Variants in SPATS2L observed in about 807,000 individuals in gnomAD.
SPATS2L encodes the protein SPATS2-like protein.
A neutral mutation model predicts 59.6 loss-of-function variants in SPATS2L; 30 were observed. The observed-to-expected ratio is 0.50, with a 90% CI of 0.38 to 0.68. The LOEUF (loss-of-function observed/expected upper bound fraction) is 0.68. SPATS2L is among the 30% of genes least tolerant of loss of function. The probability of loss-of-function intolerance (pLI) is 0.00; values close to 1 mark genes in which losing one functional copy is unlikely to be tolerated. For synonymous variants in SPATS2L, 252 were observed against 263.5 expected, an observed-to-expected ratio of 0.96 and a Z score of 0.42; for missense variants, 615 against 700.0, an observed-to-expected ratio of 0.88 and a Z score of 1.37.
intron 3 of SPATS2L, among the ~76,000 whole-genome samples, chr2:200,409,929 T>C (rs1057329637): frequency 6.6e-6 from 1 of 152,114 alleles, no homozygotes; most frequent in Non-Finnish European, 1.5e-5. Context: ...CAAGTAGTGG[T>C]TTATTTTGTG....
chr2:200,428,291 TG>T (rs2083704566), intron 6 of SPATS2L, among the ~76,000 whole-genome samples: 1 of 152,218 alleles, frequency 6.6e-6, no homozygotes, highest in African/African-American at 2.4e-5. Context: ...ATCTAGCCAT[TG>T]TTTTTTAATC....
At chr2:200,332,217 A>G (rs1451643077) in intron 2 of SPATS2L, among the ~76,000 whole-genome samples, 1 of 151,980 alleles carries the variant, frequency 6.6e-6, no homozygotes, top group Non-Finnish European at 1.5e-5. Flanking sequence ...TGGAAGAATC[A>G]GCTTTAGTAA....
chr2:200,441,753 A>C (rs2106111549), intron 8 of SPATS2L, among the ~76,000 whole-genome samples: 1 of 152,288 alleles, frequency 6.6e-6, no homozygotes, highest in South Asian at 2.1e-4. Context: ...AAATAGCAAA[A>C]GTCCAAAGGC....
chr2:200,379,111 T>C (rs528326721), intron 2 of SPATS2L, among the ~76,000 whole-genome samples: 1 of 152,258 alleles, frequency 6.6e-6, no homozygotes, highest in African/African-American at 2.4e-5. Flanking sequence ...CTTCCCCACT[T>C]CCTTGCCTGG....
chr2:200,389,089 A>G, intron 2 of SPATS2L, 134 bp from the exon 3 acceptor site: 1 of 612,034 alleles, frequency 1.6e-6, no homozygotes, highest in Non-Finnish European at 2.8e-6. Context: ...GCTTAGCTTG[A>G]AAGTATTTTT....
In SPATS2L at chr2:200,473,049, G is replaced by A. The variant is rs1156972514; in HGVS notation, c.1278G>A (p.Lys426=). 1.2e-6 allele frequency: 2 copies of A among 1,609,182 alleles called. No individual in the cohort carries two copies. The highest frequency in any genetic ancestry group is 1.7e-6 in the Non-Finnish European group (2 of 1,177,504). The change falls in exon 12 of 13, where the codon AAG becomes AAA. Residue 426 remains lysine (K), a synonymous_variant. Coordinates refer to ENST00000409140, the MANE Select transcript of SPATS2L (RefSeq NM_001100423.2). ...DPSHQTMPAN[K]QNGSSNQRRR... ...CTCACCAGACCATGCCGGCCAACAA[G>A]CAGGTAAGCCGACACTGGTGCAGGG...
chr2:200,450,310 C>T (rs1292123549), intron 8 of SPATS2L, among the ~76,000 whole-genome samples: 1 of 152,180 alleles, frequency 6.6e-6, no homozygotes, highest in African/African-American at 2.4e-5. Context: ...TTTTCCTCTA[C>T]ACCAAGACAC....
chr2:200,307,340 C>T (rs528612151), intron 1 of SPATS2L, among the ~76,000 whole-genome samples: 3 of 151,946 alleles, frequency 2.0e-5, no homozygotes, highest in South Asian at 2.1e-4. Flanking sequence ...AGAGACCCAC[C>T]GTCCCCCAGG....
At chr2:200,470,933 C>G (rs1392607263) in intron 11 of SPATS2L, among the ~76,000 whole-genome samples, 3 of 152,100 alleles carry the variant, frequency 2.0e-5, no homozygotes, top group Non-Finnish European at 1.5e-5. Flanking sequence ...AAATAACACT[C>G]TGATCACCTG....
intron 3 of SPATS2L, among the ~76,000 whole-genome samples, chr2:200,404,918 C>G (rs2082644454): frequency 3.3e-5 from 5 of 152,170 alleles, no homozygotes; most frequent in Non-Finnish European, 7.3e-5. Context: ...CCCATTGACT[C>G]TCTTCCATCT....
intron 3 of SPATS2L, 22 bp from the exon 4 acceptor site, chr2:200,412,289 T>C: frequency 7.4e-6 from 2 of 271,632 alleles, no homozygotes; most frequent in Non-Finnish European, 1.1e-5. Context: ...TTTCTATTTC[T>C]TTTTTTTTTT....
chr2:200,440,537 G>A, intron 7 of SPATS2L, 112 bp from the exon 8 acceptor site: 1 of 1,051,996 alleles, frequency 9.5e-7, no homozygotes, highest in Non-Finnish European at 1.4e-6. Context: ...ACTTTTACTA[G>A]ACAAAAGATG....
At chr2:200,420,545 A>G (rs1224002601) in intron 6 of SPATS2L, among the ~76,000 whole-genome samples, 2 of 152,204 alleles carry the variant, frequency 1.3e-5, no homozygotes, top group African/African-American at 4.8e-5. Context: ...ATCACTGTGA[A>G]TGCACCTGCT....
intron 7 of SPATS2L, among the ~76,000 whole-genome samples, chr2:200,439,844 TATG>T (rs2084568886): frequency 6.6e-6 from 1 of 152,218 alleles, no homozygotes; most frequent in Non-Finnish European, 1.5e-5. Flanking sequence ...GCTGGATTTT[TATG>T]ATTTTTCTGA....
intron 2 of SPATS2L, among the ~76,000 whole-genome samples, chr2:200,360,967 CTGTGTGTGTGTG>C (rs145080452): frequency 1.4e-5 from 2 of 140,336 alleles, no homozygotes; most frequent in Admixed American, 7.2e-5. Context: ...CAGAACAGGG[CTGTGTGTGTGTG>C]TGTGTGTGTG....
At chr2:200,346,380 A>T (rs995753052) in intron 2 of SPATS2L, among the ~76,000 whole-genome samples, 1 of 152,154 alleles carries the variant, frequency 6.6e-6, no homozygotes, top group African/African-American at 2.4e-5. Context: ...AAATAGTTGA[A>T]TGTGGTTGTT....
At chr2:200,435,216 A>G (rs893360762) in intron 6 of SPATS2L, among the ~76,000 whole-genome samples, 1 of 152,198 alleles carries the variant, frequency 6.6e-6, no homozygotes, top group African/African-American at 2.4e-5. Flanking sequence ...ATCAGAAACC[A>G]ACGTGATACT....
chr2:200,363,849 C>T (rs2081185787), intron 2 of SPATS2L, among the ~76,000 whole-genome samples: 1 of 152,176 alleles, frequency 6.6e-6, no homozygotes, highest in South Asian at 2.1e-4. Context: ...GCATGGCTGG[C>T]ACATACCAGA....
intron 1 of SPATS2L, among the ~76,000 whole-genome samples, chr2:200,308,253 A>C (rs902746243): frequency 1.9e-4 from 28 of 149,692 alleles, no homozygotes; most frequent in African/African-American, 6.9e-4. Context: ...AAAAAAAAAG[A>C]CTTCAAATAA....
Sources: allele counts gnomAD v4.1 joint callset (sites outside exome capture counted in the v4.1 genomes callset), GRCh38; gene constraint gnomAD v4.1.1; transcripts MANE v1.5; gene names NCBI Gene and HGNC (gene_info 2026-07-23, HGNC 2026-07-21).